SENP7: variants seen among roughly 807,000 people sequenced by gnomAD.
The protein encoded by SENP7 is SUMO specific peptidase 7.
In SENP7, 64 loss-of-function variants were observed where a neutral mutation model predicts 141.2. That is an observed-to-expected ratio of 0.45 (90% confidence interval 0.37 to 0.56). SENP7 has a LOEUF of 0.56. Ranked by LOEUF, SENP7 falls within the 20% of genes least tolerant of loss-of-function variation. The pLI is 0.00. For synonymous variants in SENP7, 382 were observed against 426.4 expected, an observed-to-expected ratio of 0.90 and a Z score of 1.28; for missense variants, 1,025 against 1,212.2, an observed-to-expected ratio of 0.85 and a Z score of 2.29.
chr3:101,421,337 C>A (rs1181892971), intron 4 of SENP7, among the ~76,000 whole-genome samples: 1 of 151,046 alleles, frequency 6.6e-6, no homozygotes, highest in Non-Finnish European at 1.5e-5. Context: ...ATTATTTATA[C>A]ATTTTACAAC....
chr3:101,334,223 G>C (rs2059128572), intron 17 of SENP7, among the ~76,000 whole-genome samples: 2 of 152,114 alleles, frequency 1.3e-5, no homozygotes, highest in African/African-American at 4.8e-5. Context: ...CCTTGAACAG[G>C]GTTGGCTTGC....
intron 1 of SENP7, among the ~76,000 whole-genome samples, chr3:101,501,780 C>T (rs545997697): frequency 1.2e-4 from 19 of 152,248 alleles, no homozygotes; most frequent in Middle Eastern, 3.4e-3. Flanking sequence ...TTTCCTGGAA[C>T]TTAGAGTCTA....
chr3:101,464,155 G>C (rs1251347672), intron 3 of SENP7, among the ~76,000 whole-genome samples: 2 of 152,110 alleles, frequency 1.3e-5, no homozygotes. Context: ...CTATTATACT[G>C]TTCTCTGAGA....
At chr3:101,376,340 T>C (rs2060328131) in intron 6 of SENP7, among the ~76,000 whole-genome samples, 1 of 152,184 alleles carries the variant, frequency 6.6e-6, no homozygotes. Flanking sequence ...TTAAAAATGG[T>C]TAAAATGGCA....
chr3:101,497,879 C>A (rs936852939), intron 2 of SENP7, among the ~76,000 whole-genome samples: 4 of 152,190 alleles, frequency 2.6e-5, no homozygotes, highest in African/African-American at 9.7e-5. Context: ...CACAGCTGAT[C>A]ACAGCCTCAA....
chr3:101,377,294 G>C (rs2060364319), intron 6 of SENP7, among the ~76,000 whole-genome samples: 1 of 152,064 alleles, frequency 6.6e-6, no homozygotes, highest in African/African-American at 2.4e-5. Context: ...CAGGATGAAT[G>C]GCTGCCCCCA....
chr3:101,444,074 G>A (rs2062790515), intron 4 of SENP7, among the ~76,000 whole-genome samples: 2 of 138,410 alleles, frequency 1.4e-5, no homozygotes, highest in East Asian at 2.1e-4. Context: ...ATCAAAAAGT[G>A]GGTGAAGGAC....
chr3:101,357,441 C>T (rs573559895), intron 11 of SENP7: 30 of 1,037,814 alleles, frequency 2.9e-5, no homozygotes, highest in Middle Eastern at 2.2e-4. Context: ...CCTTTGACTA[C>T]GAAGAGACAT....
chr3:101,423,369 T>TA (rs2061847584), intron 4 of SENP7, among the ~76,000 whole-genome samples: 1 of 152,126 alleles, frequency 6.6e-6, no homozygotes, highest in East Asian at 1.9e-4. Flanking sequence ...ACACCTCCAT[T>TA]AGAAAGGGTG....
intron 7 of SENP7, among the ~76,000 whole-genome samples, chr3:101,370,217 T>C (rs1420526945): frequency 6.6e-6 from 1 of 152,202 alleles, no homozygotes; most frequent in Non-Finnish European, 1.5e-5. Flanking sequence ...GCCACTGTGA[T>C]CTTGAGGTAA....
At chr3:101,357,649 C>T in intron 11 of SENP7, 1 of 774,118 alleles carries the variant, frequency 1.3e-6, no homozygotes, top group Non-Finnish European at 2.3e-6. Flanking sequence ...ATGGACTTAA[C>T]CAATGTTTGA....
intron 3 of SENP7, among the ~76,000 whole-genome samples, chr3:101,490,501 C>A (rs1342293985): frequency 6.6e-6 from 1 of 151,704 alleles, no homozygotes; most frequent in East Asian, 1.9e-4. Context: ...GGAAAAGACA[C>A]AATGGTTGAG....
intron 4 of SENP7, among the ~76,000 whole-genome samples, chr3:101,445,177 T>C (rs2062841958): frequency 6.6e-6 from 1 of 152,144 alleles, no homozygotes; most frequent in South Asian, 2.1e-4. Flanking sequence ...GAGAATGGGA[T>C]GATATCTTCA....
intron 17 of SENP7, among the ~76,000 whole-genome samples, chr3:101,336,482 T>C (rs2059188484): frequency 6.6e-6 from 1 of 152,180 alleles, no homozygotes; most frequent in Non-Finnish European, 1.5e-5. Context: ...TCACTAGCTG[T>C]TCATCTTAAG....
intron 12 of SENP7, 142 bp from the exon 13 acceptor site, chr3:101,348,193 G>A (rs1243096075): frequency 3.6e-5 from 19 of 526,172 alleles, no homozygotes; most frequent in Admixed American, 4.0e-5. Context: ...TATTTCCAGT[G>A]CACTTTGCTA....
intron 6 of SENP7, among the ~76,000 whole-genome samples, chr3:101,383,603 G>C (rs559696350): frequency 1.3e-5 from 2 of 152,178 alleles, no homozygotes; most frequent in Non-Finnish European, 2.9e-5. Flanking sequence ...TCCAATTCTA[G>C]AGCAAAGTTG....
At chr3:101,495,744 G>A (rs1387924549) in intron 2 of SENP7, among the ~76,000 whole-genome samples, 1 of 152,190 alleles carries the variant, frequency 6.6e-6, no homozygotes, top group Non-Finnish European at 1.5e-5. Context: ...ACTGGGGCCT[G>A]TCAGACCGGT....
At chr3:101,395,956 G>T (rs573646857) in intron 6 of SENP7, among the ~76,000 whole-genome samples, 18 of 152,260 alleles carry the variant, frequency 1.2e-4, no homozygotes, top group African/African-American at 4.3e-4. Context: ...ACTTTACATG[G>T]ATCATCTCCT....
chr3:101,380,320 C>A (rs1287782638), intron 6 of SENP7, among the ~76,000 whole-genome samples: 1 of 151,746 alleles, frequency 6.6e-6, no homozygotes, highest in East Asian at 1.9e-4. Context: ...AAAATGAGAA[C>A]ACAGATACTA....
Sources: gnomAD v4.1 joint callset for allele counts (sites outside exome capture counted in the v4.1 genomes callset) on GRCh38, gnomAD v4.1.1 for gene constraint, MANE v1.5 for transcripts, NCBI Gene and HGNC (gene_info 2026-07-23, HGNC 2026-07-21) for gene names.